DDX46: variants seen among roughly 807,000 people sequenced by gnomAD.
DDX46 encodes the protein DEAD-box helicase 46, also known as probable ATP-dependent RNA helicase DDX46.
In DDX46, 30 loss-of-function variants were observed where a neutral mutation model predicts 134.9. The observed-to-expected ratio is 0.22, with a 90% CI of 0.17 to 0.30. DDX46 has a LOEUF of 0.30. Among genes scored for constraint, DDX46 ranks in the 10% least tolerant of loss-of-function variants. DDX46 has a pLI of 1.00. For synonymous variants in DDX46, 415 were observed against 404.1 expected, an observed-to-expected ratio of 1.03 and a Z score of -0.32; for missense variants, 622 against 1,248.7, an observed-to-expected ratio of 0.50 and a Z score of 7.56.
intron 6 of DDX46, among the ~76,000 whole-genome samples, chr5:134,779,159 C>G (rs141237358): frequency 6.6e-6 from 1 of 151,108 alleles, no homozygotes; most frequent in Non-Finnish European, 1.5e-5. Flanking sequence ...GGCCTCCCAA[C>G]GTGCTGGGAT....
Position 134,830,854 on chromosome 5 carries a change from C to T in DDX46, c.*2148C>T, listed in dbSNP as rs895404340. ...GGTAGAGTATATGGCAGTCCCACAT[C>T]GATGATAATTGGTGCTCCCTTCATC... On this transcript the variant is annotated 3_prime_UTR_variant, in exon 23 of 23. Coordinates refer to ENST00000452510, the MANE Select transcript of DDX46 (RefSeq NM_001300860.2). 2.0e-5 allele frequency: 3 copies of T among 152,678 alleles called. No homozygotes were observed. The highest frequency in any genetic ancestry group is 6.5e-5 in the Admixed American group (1 of 15,290). The allele number at this position is 152,678 out of a possible 1,614,324, so 9.5% of individuals were successfully genotyped here. A position where few individuals can be genotyped will look rare whatever the true frequency, so the allele number is the denominator to read the frequency against.
chr5:134,788,724 C>G, intron 12 of DDX46, 133 bp downstream of exon 12: 1 of 760,304 alleles, frequency 1.3e-6, no homozygotes, highest in Non-Finnish European at 2.1e-6. Flanking sequence ...AATTTGTAGC[C>G]TGTAGTCCCA....
chr5:134,769,736 A>T (rs910889017), intron 3 of DDX46, among the ~76,000 whole-genome samples: 1 of 151,732 alleles, frequency 6.6e-6, no homozygotes, highest in Admixed American at 6.6e-5. Context: ...TAGTAGAGAC[A>T]GGGTTTCACC....
intron 15 of DDX46, among the ~76,000 whole-genome samples, chr5:134,800,850 AT>A: frequency 6.6e-6 from 1 of 152,024 alleles, no homozygotes; most frequent in East Asian, 1.9e-4. Flanking sequence ...TAATTTTTGT[AT>A]TTTTAGTAGA....
At chr5:134,822,349 AAG>A (rs1755479187) in intron 21 of DDX46, among the ~76,000 whole-genome samples, 1 of 151,692 alleles carries the variant, frequency 6.6e-6, no homozygotes, top group Non-Finnish European at 1.5e-5. Context: ...ATGTTTTTCT[AAG>A]AGACAGGGTC....
At chr5:134,773,431 G>C (rs549060671) in intron 4 of DDX46, among the ~76,000 whole-genome samples, 16 of 152,298 alleles carry the variant, frequency 1.1e-4, no homozygotes, top group African/African-American at 3.8e-4. Context: ...TAAGTAAAAT[G>C]AGATTGATTT....
rs1754201238 is a variant in DDX46 at position 134,782,973 on chromosome 5, G to A, written c.1074G>A (p.Glu358=). Reference sequence around the variant, plus strand: ...TAAATGTGTTTCGATTGGAAATGGAGGGCATTACAGTTAAAGGAAAAGGTT... The same window carrying A: ...TAAATGTGTTTCGATTGGAAATGGAAGGCATTACAGTTAAAGGAAAAGGTT... The part of the protein sequence containing the change: ...EEVNVFRLEM[E]GITVKGKGCP... Residue 358 remains glutamate, a synonymous_variant, in exon 9 of 23, where the codon GAG becomes GAA. Transcript: ENST00000452510. 1.9e-6 allele frequency: 3 copies of A among 1,613,678 alleles called. No individual in the cohort carries two copies. Among genetic ancestry groups the A allele is most frequent in the East Asian group, 4.5e-5 (2 of 44,846 alleles).
chr5:134,816,240 T>G (rs1755285331), intron 18 of DDX46, among the ~76,000 whole-genome samples, 190 bp from the exon 19 acceptor site: 1 of 152,258 alleles, frequency 6.6e-6, no homozygotes, highest in African/African-American at 2.4e-5. Context: ...ACTGATTTTT[T>G]AAATGAAATG....
At chr5:134,779,857 G>A (rs924361686) in intron 6 of DDX46, among the ~76,000 whole-genome samples, 6 of 152,198 alleles carry the variant, frequency 3.9e-5, no homozygotes, top group African/African-American at 1.4e-4. Context: ...CCAACATTTT[G>A]GGAGGCCGAG....
chr5:134,830,460 A>G lies in DDX46; in HGVS notation c.*1754A>G, dbSNP rs1755709664. ...CAAAGGATGACTGTATATTTCTTAA[A>G]TGAAGAGACTTTCATTCTTTAAATA... On this transcript the variant is annotated 3_prime_UTR_variant, in exon 23 of 23. Coordinates refer to ENST00000452510, the MANE Select transcript of DDX46 (RefSeq NM_001300860.2). 1.3e-5 allele frequency: 2 copies of G among 152,210 alleles called. No homozygotes were observed. The highest frequency in any genetic ancestry group is 6.5e-5 in the Admixed American group (1 of 15,284). 9.4% of individuals were successfully genotyped at this position (152,210 alleles called of 1,614,324 possible).
In DDX46 at chr5:134,828,788, A is replaced by AC; in HGVS notation, c.*82_*83insC. 9 of 1,061,996 alleles carry AC rather than the reference A, an allele frequency of 8.5e-6. No individual in the cohort carries two copies. The highest frequency in any genetic ancestry group is 1.0e-5 in the Non-Finnish European group (8 of 785,832). 65.8% of individuals were successfully genotyped at this position (1,061,996 alleles called of 1,614,324 possible). A position where few individuals can be genotyped will look rare whatever the true frequency, so the allele number is the denominator to read the frequency against. ...GTCTGCAGTTTACAATGTATTGTAA[A>AC]TGAAGATTTTTTAAATTCTATCTTG... On this transcript the variant is annotated 3_prime_UTR_variant, in exon 23 of 23. Transcript: ENST00000452510.
At chr5:134,823,599 A>G (rs1310006194) in intron 21 of DDX46, among the ~76,000 whole-genome samples, 1 of 152,346 alleles carries the variant, frequency 6.6e-6, no homozygotes, top group Non-Finnish European at 1.5e-5. Flanking sequence ...ACTTAGATCT[A>G]TTTGAAGTCA....
intron 5 of DDX46, among the ~76,000 whole-genome samples, chr5:134,774,590 A>G (rs1256353668): frequency 6.6e-6 from 1 of 152,232 alleles, no homozygotes; most frequent in East Asian, 1.9e-4. Flanking sequence ...ATTGAGTGTT[A>G]TTGGGCATAG....
At chr5:134,819,448 T>G (rs1418296948) in intron 21 of DDX46, among the ~76,000 whole-genome samples, 2 of 152,236 alleles carry the variant, frequency 1.3e-5, no homozygotes, top group East Asian at 3.8e-4. Flanking sequence ...CTAACGGATA[T>G]AAATAATACA....
At chr5:134,781,878 T>C (rs1362276827) in intron 7 of DDX46, 43 bp from the exon 8 acceptor site, 2 of 1,557,388 alleles carry the variant, frequency 1.3e-6, no homozygotes, top group African/African-American at 2.8e-5. Context: ...AAGGGGAAAA[T>C]AGTAATGAAC....
intron 15 of DDX46, 48 bp downstream of exon 15, chr5:134,796,198 C>T (rs777026196): frequency 6.3e-7 from 1 of 1,586,818 alleles, no homozygotes; most frequent in South Asian, 1.1e-5. Context: ...AAGTACTTGC[C>T]AAGCATTGTG....
intron 9 of DDX46, among the ~76,000 whole-genome samples, chr5:134,783,872 A>G (rs975721268): frequency 7.1e-6 from 1 of 140,328 alleles, no homozygotes; most frequent in African/African-American, 2.7e-5. Context: ...TTTTTAAGAG[A>G]TGGGGTGTCG....
chr5:134,818,634 G>A (rs963868483), intron 20 of DDX46, among the ~76,000 whole-genome samples: 4 of 151,484 alleles, frequency 2.6e-5, no homozygotes, highest in African/African-American at 7.3e-5. Flanking sequence ...CCTGGGAGGC[G>A]GAGGTTGCGG....
intron 4 of DDX46, among the ~76,000 whole-genome samples, chr5:134,772,686 C>T (rs887823169): frequency 1.3e-5 from 2 of 151,982 alleles, no homozygotes; most frequent in Non-Finnish European, 1.5e-5. Flanking sequence ...TGGTATTTTT[C>T]GTAGAAATGG....
Sources: gnomAD v4.1 joint callset for allele counts (sites outside exome capture counted in the v4.1 genomes callset) on GRCh38, gnomAD v4.1.1 for gene constraint, MANE v1.5 for transcripts, NCBI Gene and HGNC (gene_info 2026-07-23, HGNC 2026-07-21) for gene names.